Variants in NRK observed in about 807,000 individuals in gnomAD.
The protein encoded by NRK is Nik related kinase, also known as nik-related protein kinase.
NRK carries 67 observed loss-of-function variants against 125.2 expected under a neutral mutation model. The ratio of observed to expected loss-of-function variants is 0.54; its 90% CI spans 0.44 to 0.66. The LOEUF is 0.66. NRK is among the 30% of genes least tolerant of loss of function. NRK has a pLI of 0.00. For missense variants in NRK, 1,224 were observed against 1,192.9 expected (o/e 1.03, Z -0.38); for synonymous variants, 458 against 429.0 (o/e 1.07, Z -0.84).
chrX:105,908,805 A>G lies in NRK; in HGVS notation c.1164A>G (p.Glu388=). The G allele has an allele frequency of 1.7e-6, 2 of 1,211,133 alleles. No individual in the cohort carries two copies. The highest frequency in any genetic ancestry group is 2.2e-6 in the Non-Finnish European group (2 of 895,113). Residue 388 remains glutamate, a synonymous_variant, in exon 13 of 29, where the codon GAA becomes GAG. Coordinates refer to ENST00000243300, the MANE Select transcript of NRK (RefSeq NM_198465.4). Reference sequence around the variant, plus strand: ...GACCACTTAGAGTCCTGCATGGGGAACCCTCTCAGCCAAGGTGGCTACCTG... The same window carrying G: ...GACCACTTAGAGTCCTGCATGGGGAGCCCTCTCAGCCAAGGTGGCTACCTG... ...RCRPLRVLHG[E]PSQPRWLPDR...
chrX:105,848,629 AT>A (rs2039431351), intron 2 of NRK, among the ~76,000 whole-genome samples: 1 of 112,123 alleles, frequency 8.9e-6, no homozygotes, highest in Admixed American at 9.5e-5. Context: ...AAGGAGAAAA[AT>A]ATCTCATAAA....
chrX:105,827,268 A>G (rs964379766), intron 1 of NRK, among the ~76,000 whole-genome samples: 1 of 111,819 alleles, frequency 8.9e-6, no homozygotes, highest in African/African-American at 3.3e-5. Flanking sequence ...TAATATTACA[A>G]ATAAAAGGAG....
intron 2 of NRK, among the ~76,000 whole-genome samples, chrX:105,875,349 A>G (rs2039800397): frequency 9.0e-6 from 1 of 110,832 alleles, no homozygotes. Flanking sequence ...CTGAAGAACA[A>G]CCCCTTCTGG....
At chrX:105,894,568 G>C (rs1210276695) in intron 6 of NRK, among the ~76,000 whole-genome samples, 1 of 111,621 alleles carries the variant, frequency 9.0e-6, no homozygotes, top group African/African-American at 3.3e-5. Context: ...GGATTCACTT[G>C]TGATAATAGT....
At chrX:105,821,881 C>A (rs2039024031), upstream of NRK, among the ~76,000 whole-genome samples, 1 of 111,580 alleles carries the variant, frequency 9.0e-6, no homozygotes, top group Admixed American at 9.5e-5. Flanking sequence ...GGAGATAAGG[C>A]CTGCCGGGAG....
intron 13 of NRK, 64 bp downstream of exon 13, chrX:105,909,946 G>A (rs1047065934): frequency 1.0e-6 from 1 of 962,555 alleles, no homozygotes; most frequent in Non-Finnish European, 1.4e-6. Flanking sequence ...AGCTCATGCG[G>A]ATGTTTTTTC....
intron 2 of NRK, among the ~76,000 whole-genome samples, chrX:105,854,734 CT>C (rs1389590225): frequency 9.0e-6 from 1 of 111,607 alleles, no homozygotes; most frequent in Non-Finnish European, 1.9e-5. Context: ...TAATTGGCTC[CT>C]TTTATTCTTA....
chrX:105,917,247 T>G (rs935825469), intron 15 of NRK, among the ~76,000 whole-genome samples: 6 of 111,214 alleles, frequency 5.4e-5, no homozygotes, highest in Non-Finnish European at 1.1e-4. Flanking sequence ...TATAAGGTTA[T>G]GTTTATTGCT....
At chrX:105,900,549 G>A in intron 8 of NRK, 69 bp from the exon 9 acceptor site, 1 of 708,115 alleles carries the variant, frequency 1.4e-6, no homozygotes, top group Admixed American at 2.7e-5. Flanking sequence ...GCTAAACATT[G>A]TTTTGAGATT....
chrX:105,846,395 G>A (rs1009703972), intron 2 of NRK, among the ~76,000 whole-genome samples: 2 of 111,543 alleles, frequency 1.8e-5, no homozygotes, highest in Non-Finnish European at 3.8e-5. Flanking sequence ...GCAGACTGCC[G>A]GCAGAACTGC....
rs924507367 is a variant in NRK, at chrX:105,923,486, G to T, written c.2975+4G>T. 11 of 1,107,141 alleles carry T rather than the reference G, an allele frequency of 9.9e-6. No individual in the cohort carries two copies. Among genetic ancestry groups the T allele is most frequent in the Non-Finnish European group, 1.3e-5 (11 of 838,751 alleles). 91.2% of individuals were successfully genotyped at this position (1,107,141 alleles called of 1,213,427 possible). A position where few individuals can be genotyped will look rare whatever the true frequency, so the allele number is the denominator to read the frequency against. On this transcript the variant is annotated splice_donor_region_variant and intron_variant, in intron 18 of 28. Coordinates refer to ENST00000243300, the MANE Select transcript of NRK (RefSeq NM_198465.4). ...ATGAGGCGCCTAGTTGTCCAAGGTT[G>T]GTTTTTTTGAATTACTTATACTCTC...
At chrX:105,900,151 TACACACACACACACACAC>T (rs202022404) in intron 8 of NRK, among the ~76,000 whole-genome samples, 2 of 89,394 alleles carry the variant, frequency 2.2e-5, no homozygotes, top group Non-Finnish European at 4.5e-5. Flanking sequence ...ACTGCTGAAG[TACACACACACACACACAC>T]ACACACACAC....
intron 18 of NRK, among the ~76,000 whole-genome samples, chrX:105,924,021 C>T (rs181552059): frequency 9.5e-6 from 1 of 105,320 alleles, no homozygotes; most frequent in East Asian, 3.0e-4. Flanking sequence ...ATCAAGAATT[C>T]CATTATGAAA....
At chrX:105,850,166 C>G (rs963186606) in intron 2 of NRK, among the ~76,000 whole-genome samples, 1 of 112,728 alleles carries the variant, frequency 8.9e-6, no homozygotes, top group Non-Finnish European at 1.9e-5. Flanking sequence ...CACCTGCAGG[C>G]TCAACACTAT....
In NRK at chrX:105,955,680, G is replaced by C; in HGVS notation, c.*80G>C. On this transcript the variant is annotated 3_prime_UTR_variant, in exon 29 of 29. Coordinates refer to ENST00000243300, the MANE Select transcript of NRK (RefSeq NM_198465.4). ...TCTTCAGATTTCAGAGATTAAATGAGTATTCAGTTTTATTTTTAGTAAAGA... is the reference window on the plus strand; with the variant it reads ...TCTTCAGATTTCAGAGATTAAATGACTATTCAGTTTTATTTTTAGTAAAGA... 1 of 498,623 alleles carries C rather than the reference G, an allele frequency of 2.0e-6. No homozygotes were observed. The highest frequency in any genetic ancestry group is 3.4e-5 in the South Asian group (1 of 29,378). The allele number at this position is 498,623 out of a possible 1,213,427, so 41.1% of individuals were successfully genotyped here.
At chrX:105,869,925 T>C (rs933364515) in intron 2 of NRK, among the ~76,000 whole-genome samples, 1 of 112,153 alleles carries the variant, frequency 8.9e-6, no homozygotes, top group Non-Finnish European at 1.9e-5. Flanking sequence ...TGTTAAAACA[T>C]TGTGACATTG....
rs781650157 is a variant in NRK, at chrX:105,893,853, G to A, written c.400G>A (p.Ala134Thr). The change falls in exon 6 of 29, where the codon GCA (alanine) becomes ACA (threonine). Residue 134 changes from alanine to threonine, a missense_variant. Transcript: ENST00000243300. ...GCAGATGGTGATGGAGTTATGTGCA[G>A]CAGGTTCGGTCACTGATGTAGTGAG... ...QLWMVMELCA[A>T]GSVTDVVRMT... is the part of the protein sequence containing the mutation. 2.6e-5 allele frequency: 31 copies of A among 1,192,625 alleles called. No homozygotes were observed. The Admixed American group carries it at 5.7e-4, about 22-fold the overall frequency.
At position 105,923,360 on chromosome X, in the gene NRK, C is replaced by A. The variant is rs2040478095; in HGVS notation, c.2853C>A (p.Gly951=). The change falls in exon 18 of 29, where the codon GGC becomes GGA. Residue 951 remains glycine (G), a synonymous_variant. Transcript: ENST00000243300. The part of the protein sequence containing the change: ...TFEDTYDHAN[G]NDDLDNQVDQ... ...AAGATACCTATGATCATGCCAATGG[C>A]AATGATGACTTGGATAACCAGGTTG... 8.6e-7 allele frequency: 1 copy of A among 1,167,802 alleles called. No homozygotes were observed. Among genetic ancestry groups the A allele is most frequent in the Non-Finnish European group, 1.1e-6 (1 of 871,039 alleles).
chrX:105,909,852 G>A lies in NRK; in HGVS notation c.2211G>A (p.Gln737=). 1 of 1,146,475 alleles carries A rather than the reference G, an allele frequency of 8.7e-7. No homozygotes were observed. The highest frequency in any genetic ancestry group is 2.0e-5 in the South Asian group (1 of 49,123). The allele number at this position is 1,146,475 out of a possible 1,213,427, so 94.5% of individuals were successfully genotyped here. A position where few individuals can be genotyped will look rare whatever the true frequency, so the allele number is the denominator to read the frequency against. Residue 737 remains glutamine (Q), a synonymous_variant, in exon 13 of 29, where the codon CAG becomes CAA. Coordinates refer to ENST00000243300, the MANE Select transcript of NRK (RefSeq NM_198465.4). ...GCAGATGGGAAGATATCTTTAATCAGCATGAGGAAGAATTGAGACAAGTTG... is the reference window on the plus strand; with the variant it reads ...GCAGATGGGAAGATATCTTTAATCAACATGAGGAAGAATTGAGACAAGTTG... ...RQRRWEDIFN[Q]HEEELRQVDK...
Sources: gnomAD v4.1 joint callset for allele counts (sites outside exome capture counted in the v4.1 genomes callset) on GRCh38, gnomAD v4.1.1 for gene constraint, MANE v1.5 for transcripts, NCBI Gene and HGNC (gene_info 2026-07-23, HGNC 2026-07-21) for gene names.